CDH13: variants seen among roughly 807,000 people sequenced by gnomAD.
CDH13 encodes cadherin-13.
A neutral mutation model predicts 63.8 loss-of-function variants in CDH13; 24 were observed. The ratio of observed to expected loss-of-function variants is 0.38; its 90% CI spans 0.27 to 0.53. The LOEUF (loss-of-function observed/expected upper bound fraction) is 0.53. CDH13 is among the 20% of genes least tolerant of loss of function. The probability of loss-of-function intolerance (pLI) is 0.85; values close to 1 mark genes in which losing one functional copy is unlikely to be tolerated. For synonymous variants in CDH13, 503 were observed against 355.3 expected (o/e 1.42, Z -4.67); for missense variants, 1,049 against 903.1 (o/e 1.16, Z -2.07).
intron 10 of CDH13, among the ~76,000 whole-genome samples, chr16:83,731,500 G>T (rs896447827): frequency 6.6e-6 from 1 of 152,140 alleles, no homozygotes; most frequent in African/African-American, 2.4e-5. Context: ...TGACCATTTT[G>T]TAATGGGGTA....
intron 10 of CDH13, among the ~76,000 whole-genome samples, chr16:83,679,368 A>G (rs1019327873): frequency 6.6e-6 from 1 of 152,240 alleles, no homozygotes; most frequent in Non-Finnish European, 1.5e-5. Context: ...CATATGAGGT[A>G]CAAATAATCA....
intron 1 of CDH13, chr16:82,639,436 C>A (rs550740563): frequency 6.5e-7 from 1 of 1,535,350 alleles, no homozygotes; most frequent in African/African-American, 1.4e-5. Flanking sequence ...GATGCCTGGG[C>A]GTGACCCACC....
intron 2 of CDH13, among the ~76,000 whole-genome samples, chr16:82,862,762 A>C (rs990059630): frequency 2.0e-5 from 3 of 152,336 alleles, no homozygotes; most frequent in Admixed American, 2.0e-4. Flanking sequence ...TAGTGACTTA[A>C]CACAGTGAAA....
At chr16:83,267,081 G>C (rs1907712944) in intron 5 of CDH13, among the ~76,000 whole-genome samples, 1 of 152,072 alleles carries the variant, frequency 6.6e-6, no homozygotes, top group Non-Finnish European at 1.5e-5. Context: ...AATTTGTTAG[G>C]GAGGAGCTGG....
intron 11 of CDH13, among the ~76,000 whole-genome samples, chr16:83,754,168 C>T (rs1018001560): frequency 1.3e-5 from 2 of 152,102 alleles, no homozygotes; most frequent in South Asian, 4.1e-4. Context: ...AAACAGAGAC[C>T]TACCAAAGGA....
At chr16:83,327,085 C>T (rs2090380513) in intron 5 of CDH13, among the ~76,000 whole-genome samples, 1 of 152,170 alleles carries the variant, frequency 6.6e-6, no homozygotes, top group Non-Finnish European at 1.5e-5. Context: ...ATTTCCATGA[C>T]TTGTGTCATT....
chr16:82,937,145 C>G, intron 2 of CDH13, among the ~76,000 whole-genome samples: 1 of 152,164 alleles, frequency 6.6e-6, no homozygotes, highest in East Asian at 1.9e-4. Flanking sequence ...CGCCTGTTCC[C>G]TCTTGATAGG....
chr16:83,075,373 T>C (rs551019411), intron 3 of CDH13, among the ~76,000 whole-genome samples: 1 of 152,340 alleles, frequency 6.6e-6, no homozygotes, highest in Non-Finnish European at 1.5e-5. Context: ...GAGCTCTCCC[T>C]GTTAGCGCTA....
chr16:83,311,844 G>A (rs1345541494), intron 5 of CDH13, among the ~76,000 whole-genome samples: 2 of 152,108 alleles, frequency 1.3e-5, no homozygotes, highest in Non-Finnish European at 2.9e-5. Flanking sequence ...GGAGGCCAAG[G>A]CGGGTGGATC....
rs540642910 is a variant in CDH13 at position 83,379,006 on chromosome 16, T to TATATACACAC, written c.781+34001_781+34002insTATACACACA. Among the ~76,000 whole-genome samples, 319 of 148,998 alleles carry TATATACACAC rather than the reference T, an allele frequency of 2.1e-3. 3 individuals carry two copies. The highest frequency in any genetic ancestry group is 2.8e-3 in the Non-Finnish European group (186 of 67,158). On this transcript the variant is annotated intron_variant, in intron 6 of 13. Transcript: ENST00000567109. ...ACACATGCATCTATATATATATATA[T>TATATACACAC]ACACACACACACACACACACGTGTG... is the stretch of plus-strand genomic sequence containing the variant.
intron 7 of CDH13, among the ~76,000 whole-genome samples, chr16:83,569,818 C>A (rs1904407794): frequency 1.3e-5 from 2 of 152,178 alleles, no homozygotes; most frequent in Non-Finnish European, 2.9e-5. Context: ...CTCACTGCAA[C>A]CTCTGCCTCC....
In CDH13 at chr16:82,866,377, C is replaced by CTTTTTTTTTTTT. The variant is rs538206338; in HGVS notation, c.157+7922_157+7933dup. On this transcript the variant is annotated intron_variant, in intron 2 of 13. Coordinates refer to ENST00000567109, the MANE Select transcript of CDH13 (RefSeq NM_001257.5). ...TCTGTTTTCTTTTCTTTTTCTTCTT[C>CTTTTTTTTTTTT]TTTTTTTTTTTTTTTTTTTTTTTTT... 1.4e-3 allele frequency among the ~76,000 whole-genome samples: 84 copies of CTTTTTTTTTTTT among 58,328 alleles called. 12 individuals carry two copies. The highest frequency in any genetic ancestry group is 1.9e-3 in the Non-Finnish European group (65 of 34,372). 38.3% of individuals were successfully genotyped at this position (58,328 alleles called of 152,430 possible). A position where few individuals can be genotyped will look rare whatever the true frequency, so the allele number is the denominator to read the frequency against.
chr16:83,156,740 C>T lies in CDH13; in HGVS notation c.483+31239C>T, dbSNP rs149214014. Among the ~76,000 whole-genome samples the T allele has an allele frequency of 2.0e-3, 298 of 152,272 alleles. 1 individual carries two copies. Among genetic ancestry groups the T allele is most frequent in the Middle Eastern group, 6.8e-3 (2 of 292 alleles). On this transcript the variant is annotated intron_variant, in intron 4 of 13. Transcript: ENST00000567109. ...TTCATTTTTGCTGAAGGACCCTCCC[C>T]CAGCCTCCTTCCATAAATCCTATGC...
intron 1 of CDH13, among the ~76,000 whole-genome samples, chr16:82,698,105 G>T (rs1051901319): frequency 2.4e-4 from 36 of 152,284 alleles, no homozygotes; most frequent in South Asian, 1.2e-3. Flanking sequence ...AACTTGGACA[G>T]GCAGGTTCTA....
intron 6 of CDH13, among the ~76,000 whole-genome samples, chr16:83,358,404 G>A (rs184793999): frequency 2.7e-4 from 41 of 152,270 alleles, no homozygotes; most frequent in African/African-American, 8.9e-4. Context: ...ATATGTGCTA[G>A]GAAGGCAGGA....
At chr16:83,666,588 G>C (rs964641107) in intron 8 of CDH13, among the ~76,000 whole-genome samples, 24 of 152,208 alleles carry the variant, frequency 1.6e-4, no homozygotes, top group African/African-American at 5.5e-4. Context: ...TCTGGAGTCT[G>C]ATGTCATAGA....
intron 2 of CDH13, among the ~76,000 whole-genome samples, chr16:83,010,314 A>G (rs139946098): frequency 1.5e-3 from 226 of 152,084 alleles, no homozygotes; most frequent in African/African-American, 5.2e-3. Context: ...CAGAGAGGTT[A>G]ACACTATTTT....
intron 1 of CDH13, among the ~76,000 whole-genome samples, chr16:82,739,205 TA>T (rs1236809964): frequency 6.8e-6 from 1 of 146,422 alleles, no homozygotes; most frequent in Non-Finnish European, 1.5e-5. Context: ...TTTACTATTA[TA>T]TTTTTTAGTA....
At chr16:82,691,644 T>C (rs1038990010) in intron 1 of CDH13, among the ~76,000 whole-genome samples, 2 of 152,186 alleles carry the variant, frequency 1.3e-5, no homozygotes, top group Admixed American at 1.3e-4. Context: ...GAAAATACAT[T>C]ATAAGCCTGT....
Sources: allele counts gnomAD v4.1 joint callset (sites outside exome capture counted in the v4.1 genomes callset), GRCh38; gene constraint gnomAD v4.1.1; transcripts MANE v1.5; gene names NCBI Gene and HGNC (gene_info 2026-07-23, HGNC 2026-07-21).